SDC1: variants seen among roughly 807,000 people sequenced by gnomAD.
SDC1 encodes the protein syndecan-1.
SDC1 carries 14 observed loss-of-function variants against 29.7 expected under a neutral mutation model. The observed-to-expected ratio is 0.47, with a 90% confidence interval of 0.31 to 0.74. The LOEUF is 0.74. Ranked by LOEUF, SDC1 falls within the 30% of genes least tolerant of loss-of-function variation. The pLI is 0.05. For synonymous variants in SDC1, 204 were observed against 175.5 expected, an observed-to-expected ratio of 1.16 and a Z score of -1.29; for missense variants, 406 against 400.3, an observed-to-expected ratio of 1.01 and a Z score of -0.12.
At chr2:20,210,332 G>C (rs1382234789) in intron 1 of SDC1, among the ~76,000 whole-genome samples, 1 of 152,162 alleles carries the variant, frequency 6.6e-6, no homozygotes, top group African/African-American at 2.4e-5. Flanking sequence ...GGAAGAAACA[G>C]TCTGGTCCTG....
At chr2:20,217,150 G>A (rs575853119) in intron 1 of SDC1, among the ~76,000 whole-genome samples, 2 of 152,314 alleles carry the variant, frequency 1.3e-5, no homozygotes, top group South Asian at 4.1e-4. Flanking sequence ...CTCCTAGTTC[G>A]ATACTGCTGT....
intron 1 of SDC1, among the ~76,000 whole-genome samples, chr2:20,216,909 G>A (rs530422614): frequency 1.3e-5 from 2 of 152,350 alleles, no homozygotes; most frequent in East Asian, 1.9e-4. Flanking sequence ...GATCCACAGA[G>A]AGAGCCAGGC....
At position 20,202,987 on chromosome 2, in the gene SDC1, T is replaced by C. The variant is rs80346602; in HGVS notation, c.764-52A>G. The C allele has an allele frequency of 5.2e-3, 8,250 of 1,575,962 alleles. 277 individuals are homozygous for C. The African/African-American group carries it at 0.087, about 17-fold the overall frequency. ...AGCTCAGCGGCTCCTTGGGCTCTGC[T>C]GCAGACCCTCCCCAAAGCAGTGGCC... On this transcript the variant is annotated intron_variant, in intron 4 of 4. Coordinates refer to ENST00000254351, the MANE Select transcript of SDC1 (RefSeq NM_002997.5).
chr2:20,218,616 CACACACAGACACATAA>C (rs1382977238), intron 1 of SDC1, among the ~76,000 whole-genome samples: 2 of 150,348 alleles, frequency 1.3e-5, no homozygotes, highest in South Asian at 4.2e-4. Context: ...CGGACGCAGA[CACACACAGACACATAA>C]ACACACAGAC....
intron 1 of SDC1, among the ~76,000 whole-genome samples, chr2:20,216,227 T>C (rs1443723353): frequency 2.0e-5 from 3 of 152,318 alleles, no homozygotes; most frequent in Non-Finnish European, 2.9e-5. Flanking sequence ...CCAAGTCCCT[T>C]TCAGGGAGGA....
chr2:20,222,220 C>A (rs1040720291), intron 1 of SDC1, among the ~76,000 whole-genome samples: 1 of 152,156 alleles, frequency 6.6e-6, no homozygotes, highest in African/African-American at 2.4e-5. Context: ...TTCAGTCACT[C>A]CTTGCTTCCC....
Position 20,204,108 on chromosome 2 carries a change from T to TC in SDC1, c.331dup (p.Glu111GlyfsTer53), listed in dbSNP as rs1228684018. On this transcript the variant is annotated frameshift_variant, in exon 3 of 5. Transcript: ENST00000254351. LOFTEE classifies it high-confidence loss of function. ...CTGCTCCCGGGCGGTGAGGCCAGGCTCCACTTCTGGCAGGACTACAGCCTC... is the reference window on the plus strand; with the variant it reads ...CTGCTCCCGGGCGGTGAGGCCAGGCTCCCACTTCTGGCAGGACTACAGCCTC... The TC allele has an allele frequency of 6.2e-7, 1 of 1,607,422 alleles. No homozygotes were observed. Among genetic ancestry groups the TC allele is most frequent in the East Asian group, 2.2e-5 (1 of 44,832 alleles).
chr2:20,204,155 A>G lies in SDC1; in HGVS notation c.285T>C (p.Ala95=), dbSNP rs1677159703. 1 of 1,601,524 alleles carries G rather than the reference A, an allele frequency of 6.2e-7. No individual in the cohort carries two copies. The highest frequency in any genetic ancestry group is 8.5e-7 in the Non-Finnish European group (1 of 1,179,802). ...CCTCTCCCTCCTTGGGCCCCTCTCC[A>G]GCCGGCAGGGTGGAGGTGGAGGCAG... ...ATAASTSTLP[A]GEGPKEGEAV... Residue 95 remains alanine (A), a synonymous_variant, in exon 3 of 5, where the codon GCT becomes GCC. Transcript: ENST00000254351.
Position 20,202,009 on chromosome 2 carries a change from T to C in SDC1, c.*757A>G, listed in dbSNP as rs1322782471. The C allele has an allele frequency of 1.5e-5, 7 of 465,580 alleles. No individual in the cohort carries two copies. The Admixed American group carries it at 2.5e-4, about 16-fold the overall frequency. 28.8% of individuals were successfully genotyped at this position (465,580 alleles called of 1,614,324 possible). On this transcript the variant is annotated 3_prime_UTR_variant, in exon 5 of 5. Transcript: ENST00000254351. ...ACGGGGCCACCAGACAGATAGTCCATACCCTGTTGCACACATGAGCGACAA... is the reference window on the plus strand; with the variant it reads ...ACGGGGCCACCAGACAGATAGTCCACACCCTGTTGCACACATGAGCGACAA...
In SDC1 at chr2:20,203,931, G is replaced by A. The variant is rs373072444; in HGVS notation, c.509C>T (p.Pro170Leu). ...GGGAGTGTGAAGGTCAGCTTGGCTG[G>A]GTCCTGCAGGGGTTGAGGTCTCATG... is the stretch of plus-strand genomic sequence containing the variant. The part of the protein sequence containing the change: ...GHHETSTPAG[P>L]SQADLHTPHT... The change falls in exon 3 of 5, where the codon CCC becomes CTC. Residue 170 changes from proline (P) to leucine (L), a missense_variant. Transcript: ENST00000254351. The A allele has an allele frequency of 1.5e-5, 25 of 1,613,856 alleles. No individual in the cohort carries two copies. Among genetic ancestry groups the A allele is most frequent in the Non-Finnish European group, 1.9e-5 (23 of 1,180,002 alleles).
Position 20,201,998 on chromosome 2 carries a change from C to T in SDC1, c.*768G>A. ...GACCACCAGAAACGGGGCCACCAGA[C>T]AGATAGTCCATACCCTGTTGCACAC... is the stretch of plus-strand genomic sequence containing the variant. On this transcript the variant is annotated 3_prime_UTR_variant, in exon 5 of 5. Transcript: ENST00000254351. The T allele has an allele frequency of 5.1e-6, 2 of 391,238 alleles. No individual in the cohort carries two copies. Among genetic ancestry groups the T allele is most frequent in the South Asian group, 9.2e-5 (2 of 21,796 alleles). 24.2% of individuals were successfully genotyped at this position (391,238 alleles called of 1,614,324 possible). A position where few individuals can be genotyped will look rare whatever the true frequency, so the allele number is the denominator to read the frequency against.
Position 20,202,695 on chromosome 2 carries a change from G to A in SDC1, c.*71C>T. The stretch of plus-strand genomic sequence containing the variant: ...CTGGTGGCAGGGGAGGCCAGGGCCT[G>A]CAGTTCTTCAAGGAAGAGGCAAGTG... On this transcript the variant is annotated 3_prime_UTR_variant, in exon 5 of 5. Transcript: ENST00000254351. 2 of 1,446,318 alleles carry A rather than the reference G, an allele frequency of 1.4e-6. No homozygotes were observed. Among genetic ancestry groups the A allele is most frequent in the Non-Finnish European group, 1.9e-6 (2 of 1,064,386 alleles). 89.6% of individuals were successfully genotyped at this position (1,446,318 alleles called of 1,614,324 possible).
intron 1 of SDC1, chr2:20,207,970 T>C (rs1558433496): frequency 2.0e-6 from 2 of 985,192 alleles, no homozygotes; most frequent in East Asian, 2.3e-4. Context: ...TGCCCTGCCC[T>C]CTCCTGCTGC....
rs1250072685 is a variant in SDC1, at chr2:20,203,864, A to G, written c.576T>C (p.Ala192=). ...GGAGCTGACTGGAGGCTCCATCCTC[A>G]GCAGCCCTCTCGGTGGCAGAAGGAC... ...DGGPSATERA[A]EDGASSQLPA... The change falls in exon 3 of 5, where the codon GCT becomes GCC. Residue 192 remains alanine (A), a synonymous_variant. Coordinates refer to ENST00000254351, the MANE Select transcript of SDC1 (RefSeq NM_002997.5). The G allele has an allele frequency of 1.9e-6, 3 of 1,610,046 alleles. No homozygotes were observed. Among genetic ancestry groups the G allele is most frequent in the East Asian group, 2.2e-5 (1 of 44,850 alleles).
At chr2:20,209,594 T>C (rs1572465587) in intron 1 of SDC1, among the ~76,000 whole-genome samples, 1 of 152,278 alleles carries the variant, frequency 6.6e-6, no homozygotes, top group Admixed American at 6.5e-5. Context: ...GGAGTCATCA[T>C]CACCGGCTGC....
intron 1 of SDC1, among the ~76,000 whole-genome samples, chr2:20,209,754 C>T (rs1677401164): frequency 6.6e-6 from 1 of 152,260 alleles, no homozygotes; most frequent in Non-Finnish European, 1.5e-5. Context: ...CTCAGCAGAG[C>T]CCCTTGTCCT....
At chr2:20,217,696 G>C (rs1248721323) in intron 1 of SDC1, among the ~76,000 whole-genome samples, 1 of 152,214 alleles carries the variant, frequency 6.6e-6, no homozygotes, top group Non-Finnish European at 1.5e-5. Context: ...GATCAAGGTT[G>C]GTTGGGTGAG....
At chr2:20,210,582 G>A (rs894519662) in intron 1 of SDC1, among the ~76,000 whole-genome samples, 1 of 152,228 alleles carries the variant, frequency 6.6e-6, no homozygotes, top group East Asian at 1.9e-4. Context: ...AGCAGGAAAG[G>A]GAAGCTGATC....
At chr2:20,214,201 T>G (rs1477529767) in intron 1 of SDC1, among the ~76,000 whole-genome samples, 1 of 152,162 alleles carries the variant, frequency 6.6e-6, no homozygotes, top group Non-Finnish European at 1.5e-5. Context: ...GAGGAAGAAA[T>G]TCTCTTTGCT....
Sources: allele counts gnomAD v4.1 joint callset (sites outside exome capture counted in the v4.1 genomes callset), GRCh38; gene constraint gnomAD v4.1.1; transcripts MANE v1.5; gene names NCBI Gene and HGNC (gene_info 2026-07-23, HGNC 2026-07-21).